The following TRIM2 variants were observed in gnomAD, a reference collection of about 807,000 sequenced individuals.
TRIM2 encodes the protein tripartite motif-containing protein 2.
TRIM2 carries 20 observed loss-of-function variants against 75.2 expected under a neutral mutation model. That is an observed-to-expected ratio of 0.27 (90% CI 0.19 to 0.39). TRIM2 has a LOEUF of 0.39. TRIM2 is among the 10% of genes least tolerant of loss of function. TRIM2 has a pLI of 1.00. For missense variants in TRIM2, 660 were observed against 990.8 expected (o/e 0.67, Z 4.48); for synonymous variants, 373 against 388.3 (o/e 0.96, Z 0.46).
chr4:153,318,480 G>A (rs1010060065), intron 8 of TRIM2, among the ~76,000 whole-genome samples: 26 of 152,066 alleles, frequency 1.7e-4, no homozygotes, highest in African/African-American at 5.8e-4. Context: ...GGCTCTGTAT[G>A]ATGACCACAT....
Position 153,270,370 on chromosome 4 carries a change from A to G in TRIM2, c.66A>G (p.Pro22=). The change falls in exon 2 of 12, where the codon CCA becomes CCG. Residue 22 remains proline, a synonymous_variant. Coordinates refer to ENST00000338700, the MANE Select transcript of TRIM2 (RefSeq NM_015271.5). ...QRAGSKTAGP[P]CQWSRMASEG... ...CAGGGTCAAAGACAGCCGGCCCCCC[A>G]TGTCAGTGGTCTAGGATGGCCAGTG... 1.2e-6 allele frequency: 2 copies of G among 1,613,600 alleles called. No individual in the cohort carries two copies. The highest frequency in any genetic ancestry group is 1.7e-6 in the Non-Finnish European group (2 of 1,179,762).
At chr4:153,315,290 A>G (rs1767351691) in intron 6 of TRIM2, among the ~76,000 whole-genome samples, 195 bp from the exon 7 acceptor site, 1 of 152,250 alleles carries the variant, frequency 6.6e-6, no homozygotes, top group South Asian at 2.1e-4. Flanking sequence ...GTGATTTTGC[A>G]GAGACTGTTG....
chr4:153,274,886 G>A (rs569274254), intron 2 of TRIM2, among the ~76,000 whole-genome samples: 3 of 152,182 alleles, frequency 2.0e-5, no homozygotes, highest in Admixed American at 1.3e-4. Context: ...TTCATGTCTG[G>A]TATTGGTTCA....
At chr4:153,259,313 TCTTA>T (rs1165769811) in intron 1 of TRIM2, among the ~76,000 whole-genome samples, 1 of 152,200 alleles carries the variant, frequency 6.6e-6, no homozygotes, top group Non-Finnish European at 1.5e-5. Context: ...TCATTCTTTG[TCTTA>T]CTAAGAAATG....
At chr4:153,264,792 T>G (rs1754487572) in intron 1 of TRIM2, among the ~76,000 whole-genome samples, 1 of 152,178 alleles carries the variant, frequency 6.6e-6, no homozygotes, top group Non-Finnish European at 1.5e-5. Context: ...CTAGTGTGGG[T>G]ATCCAGGGAA....
chr4:153,241,685 C>T (rs1393272436), intron 1 of TRIM2, among the ~76,000 whole-genome samples: 1 of 152,182 alleles, frequency 6.6e-6, no homozygotes, highest in Non-Finnish European at 1.5e-5. Flanking sequence ...CGCCTCGTTG[C>T]TCATGAAGAT....
At chr4:153,190,411 G>A (rs1423988323) in intron 1 of TRIM2, among the ~76,000 whole-genome samples, 2 of 152,244 alleles carry the variant, frequency 1.3e-5, no homozygotes, top group African/African-American at 4.8e-5. Flanking sequence ...ACTGTGCTAA[G>A]TGCATTTTAT....
At chr4:153,217,631 G>T (rs1364906464) in intron 1 of TRIM2, among the ~76,000 whole-genome samples, 2 of 152,164 alleles carry the variant, frequency 1.3e-5, no homozygotes, top group Non-Finnish European at 2.9e-5. Flanking sequence ...CCACCAAGAT[G>T]TCCTTCCAGT....
At chr4:153,211,377 A>C (rs139884378) in intron 1 of TRIM2, among the ~76,000 whole-genome samples, 182 of 152,304 alleles carry the variant, frequency 1.2e-3, no homozygotes, top group African/African-American at 4.3e-3. Context: ...TCCTTGATAA[A>C]AGAAACTACA....
intron 1 of TRIM2, among the ~76,000 whole-genome samples, chr4:153,192,542 G>C (rs1220272408): frequency 4.8e-5 from 7 of 145,398 alleles, no homozygotes; most frequent in Non-Finnish European, 8.9e-5. Context: ...GGAAGGTCAA[G>C]TTTACGGTGA....
In TRIM2 at chr4:153,336,705, C is replaced by A; in HGVS notation, c.*1739C>A. ...CTTATTAATTTATAATTCAGTCATT[C>A]TCTATATAGGACTTCTTAAAATTTA... On this transcript the variant is annotated 3_prime_UTR_variant, in exon 12 of 12. Transcript: ENST00000338700. 1.0e-6 allele frequency: 1 copy of A among 984,876 alleles called. No homozygotes were observed. Among genetic ancestry groups the A allele is most frequent in the Non-Finnish European group, 1.2e-6 (1 of 829,118 alleles). The allele number at this position is 984,876 out of a possible 1,614,324, so 61.0% of individuals were successfully genotyped here. A position where few individuals can be genotyped will look rare whatever the true frequency, so the allele number is the denominator to read the frequency against.
chr4:153,211,830 GTT>G (rs775367758), intron 1 of TRIM2, among the ~76,000 whole-genome samples: 5 of 151,876 alleles, frequency 3.3e-5, no homozygotes, highest in Non-Finnish European at 7.4e-5. Context: ...GCTTGGATTT[GTT>G]TTATCCTCTC....
At chr4:153,331,465 C>A (rs1156271567) in intron 11 of TRIM2, among the ~76,000 whole-genome samples, 1 of 151,994 alleles carries the variant, frequency 6.6e-6, no homozygotes, top group Admixed American at 6.5e-5. Flanking sequence ...TATTTGTATG[C>A]TGAAAACTAT....
chr4:153,244,129 CTTCTTCTTCTTCTTG>C (rs1409125734), intron 1 of TRIM2, among the ~76,000 whole-genome samples: 3 of 145,718 alleles, frequency 2.1e-5, no homozygotes, highest in Non-Finnish European at 4.5e-5. Context: ...CCATCTTCTT[CTTCTTCTTCTTCTTG>C]TTCTTCTTGT....
At position 153,321,339 on chromosome 4, in the gene TRIM2, A is replaced by G. The variant is rs73854654; in HGVS notation, c.1783-1309A>G. ...CAGTGTTTGTAGAATTAGGAAATAAATAAGTGAATGAGTGAAGCACTTCTT... is the reference window on the plus strand; with the variant it reads ...CAGTGTTTGTAGAATTAGGAAATAAGTAAGTGAATGAGTGAAGCACTTCTT... On this transcript the variant is annotated intron_variant, in intron 8 of 11. Transcript: ENST00000338700. 5.3e-3 allele frequency among the ~76,000 whole-genome samples: 815 copies of G among 152,356 alleles called. 10 individuals are homozygous for G. The highest frequency in any genetic ancestry group is 0.019 in the African/African-American group (779 of 41,584).
In TRIM2 at chr4:153,277,875, C is replaced by G. The variant is rs116460638; in HGVS notation, c.453+1745C>G. 5.4e-3 allele frequency among the ~76,000 whole-genome samples: 819 copies of G among 152,290 alleles called. 7 individuals are homozygous for G. Among genetic ancestry groups the G allele is most frequent in the African/African-American group, 0.017 (711 of 41,548 alleles). ...ATTTTGTAAAAAGAACTTTTAAATG[C>G]TGCTTTTGAAAGCAGGTTGAGTATT... On this transcript the variant is annotated intron_variant, in intron 3 of 11. Transcript: ENST00000338700.
intron 1 of TRIM2, among the ~76,000 whole-genome samples, chr4:153,267,293 A>G (rs1162808095): frequency 6.6e-6 from 1 of 152,170 alleles, no homozygotes; most frequent in Non-Finnish European, 1.5e-5. Context: ...TTTTAGAGAC[A>G]TATACTCCTT....
intron 3 of TRIM2, among the ~76,000 whole-genome samples, chr4:153,281,962 A>C (rs914301636): frequency 6.6e-6 from 1 of 152,238 alleles, no homozygotes; most frequent in East Asian, 1.9e-4. Context: ...ACAAGTTTCC[A>C]CTTCCATATC....
At chr4:153,270,583 G>A (rs1756439197) in intron 2 of TRIM2, 64 bp downstream of exon 2, 1 of 1,391,086 alleles carries the variant, frequency 7.2e-7, no homozygotes, top group Non-Finnish European at 9.7e-7. Flanking sequence ...CCTACTGCAG[G>A]ATTCTTTCCC....
Sources: gnomAD v4.1 joint callset for allele counts (sites outside exome capture counted in the v4.1 genomes callset) on GRCh38, gnomAD v4.1.1 for gene constraint, MANE v1.5 for transcripts, NCBI Gene and HGNC (gene_info 2026-07-23, HGNC 2026-07-21) for gene names.